The following RBFOX1 variants were observed in gnomAD, a reference collection of about 807,000 sequenced individuals.
The protein encoded by RBFOX1 is RNA binding fox-1 homolog 1.
A neutral mutation model predicts 57.7 loss-of-function variants in RBFOX1; 8 were observed. The observed-to-expected ratio is 0.14, with a 90% confidence interval of 0.08 to 0.25. The LOEUF is 0.25. Among genes scored for constraint, RBFOX1 ranks in the 10% least tolerant of loss-of-function variants. The pLI is 1.00. For missense variants in RBFOX1, 611 were observed against 548.5 expected (o/e 1.11, Z -1.14); for synonymous variants, 326 against 222.4 (o/e 1.47, Z -4.15).
intron 1 of RBFOX1, among the ~76,000 whole-genome samples, chr16:6,288,957 A>T (rs1339644177): frequency 6.6e-6 from 1 of 152,122 alleles, no homozygotes; most frequent in Non-Finnish European, 1.5e-5. Flanking sequence ...GAGGGTATAG[A>T]CCAACTTCTT....
intron 3 of RBFOX1, among the ~76,000 whole-genome samples, chr16:5,772,408 G>C (rs898233354): frequency 6.6e-6 from 1 of 152,144 alleles, no homozygotes; most frequent in Admixed American, 6.5e-5. Context: ...GGATTTCAGA[G>C]ATTTTAGGCC....
At chr16:6,450,964 G>C (rs1419479327) in intron 2 of RBFOX1, among the ~76,000 whole-genome samples, 5 of 145,182 alleles carry the variant, frequency 3.4e-5, no homozygotes, top group African/African-American at 1.0e-4. Context: ...TAGCATCAAT[G>C]AGAAAAATGG....
intron 2 of RBFOX1, among the ~76,000 whole-genome samples, chr16:6,497,565 A>ATTT (rs772851122): frequency 0.029 from 4,252 of 147,842 alleles, 194 homozygotes; most frequent in African/African-American, 0.09. Context: ...AGTTTTTAAA[A>ATTT]AAAAAAAAAA....
intron 3 of RBFOX1, among the ~76,000 whole-genome samples, chr16:6,958,266 A>G (rs2082274357): frequency 6.6e-6 from 1 of 152,206 alleles, no homozygotes; most frequent in African/African-American, 2.4e-5. Context: ...CAGGCTGGGC[A>G]ATGCTTTGCT....
intron 3 of RBFOX1, among the ~76,000 whole-genome samples, chr16:6,896,754 C>A (rs777387044): frequency 5.3e-5 from 8 of 152,178 alleles, no homozygotes; most frequent in Non-Finnish European, 8.8e-5. Context: ...TGGATTGCTC[C>A]CAAGAGCGTG....
At chr16:7,580,011 A>G in intron 6 of RBFOX1, 91 bp downstream of exon 6, 1 of 1,395,380 alleles carries the variant, frequency 7.2e-7, no homozygotes, top group African/African-American at 1.4e-5. Flanking sequence ...TACAATACTA[A>G]GGTTAGATGT....
At chr16:7,125,220 A>G (rs1197516401) in intron 4 of RBFOX1, among the ~76,000 whole-genome samples, 4 of 152,166 alleles carry the variant, frequency 2.6e-5, no homozygotes, top group African/African-American at 7.2e-5. Context: ...CAGATCCCAG[A>G]TCTGCCATTT....
intron 4 of RBFOX1, among the ~76,000 whole-genome samples, chr16:5,927,142 G>A (rs1396450821): frequency 6.6e-6 from 1 of 151,958 alleles, no homozygotes; most frequent in Non-Finnish European, 1.5e-5. Context: ...TATTTTAATT[G>A]GAAACTATGA....
At chr16:7,247,828 G>A (rs1276788841) in intron 4 of RBFOX1, among the ~76,000 whole-genome samples, 1 of 152,116 alleles carries the variant, frequency 6.6e-6, no homozygotes, top group African/African-American at 2.4e-5. Context: ...TATAAGTGGG[G>A]GCTAAATGAT....
intron 3 of RBFOX1, among the ~76,000 whole-genome samples, chr16:5,750,449 T>C (rs1184284299): frequency 3.3e-5 from 5 of 152,248 alleles, no homozygotes; most frequent in Non-Finnish European, 7.3e-5. Flanking sequence ...TGTTTGGCTA[T>C]GCCGTGCCCC....
At chr16:5,554,329 T>C (rs1410457962) in intron 2 of RBFOX1, among the ~76,000 whole-genome samples, 1 of 152,150 alleles carries the variant, frequency 6.6e-6, no homozygotes, top group Non-Finnish European at 1.5e-5. Flanking sequence ...AAAATAATTA[T>C]ATGCGAAAGT....
chr16:7,343,204 C>T (rs762230815), intron 4 of RBFOX1, among the ~76,000 whole-genome samples: 1 of 152,144 alleles, frequency 6.6e-6, no homozygotes. Flanking sequence ...TGCCCGGTGG[C>T]AAGGAGGATG....
At chr16:6,604,361 G>A (rs2097897347) in intron 2 of RBFOX1, among the ~76,000 whole-genome samples, 1 of 151,776 alleles carries the variant, frequency 6.6e-6, no homozygotes, top group South Asian at 2.1e-4. Flanking sequence ...TTTTTTTTAA[G>A]AGATAGGGCC....
At chr16:7,140,019 AG>A (rs2073238317) in intron 4 of RBFOX1, among the ~76,000 whole-genome samples, 2 of 152,240 alleles carry the variant, frequency 1.3e-5, no homozygotes, top group Non-Finnish European at 2.9e-5. Context: ...ACCTGGAAAA[AG>A]ATAGCTGTCT....
intron 2 of RBFOX1, among the ~76,000 whole-genome samples, chr16:5,566,779 A>T (rs1218038254): frequency 6.6e-6 from 1 of 152,096 alleles, no homozygotes; most frequent in Non-Finnish European, 1.5e-5. Context: ...AGTATTAGAG[A>T]TACATTCACA....
At chr16:7,465,850 A>C (rs1337952405) in intron 4 of RBFOX1, among the ~76,000 whole-genome samples, 1 of 152,202 alleles carries the variant, frequency 6.6e-6, no homozygotes, top group Non-Finnish European at 1.5e-5. Context: ...ACTGATGTCG[A>C]GTGTTTGATA....
At chr16:7,283,626 A>G (rs1222553615) in intron 4 of RBFOX1, among the ~76,000 whole-genome samples, 1 of 152,082 alleles carries the variant, frequency 6.6e-6, no homozygotes, top group African/African-American at 2.4e-5. Context: ...CCGTCCTCAG[A>G]AGCTGTATCC....
At chr16:6,816,726 C>T (rs1163127995) in intron 3 of RBFOX1, among the ~76,000 whole-genome samples, 4 of 93,652 alleles carry the variant, frequency 4.3e-5, no homozygotes, top group Non-Finnish European at 9.2e-5. Context: ...GGTGACAGAG[C>T]AAGACTGTCT....
At position 6,453,020 on chromosome 16, in the gene RBFOX1, TTTAA is replaced by T. The variant is rs1308188259; in HGVS notation, c.-64+135966_-64+135969del. On this transcript the variant is annotated intron_variant, in intron 2 of 15. Transcript: ENST00000550418. ...ACTGCAGGCAATTAAATTGTCTTTC[TTTAA>T]TTGTCATTTCTTCCTCTTATTCCAC... Among the ~76,000 whole-genome samples, 22 of 152,350 alleles carry T rather than the reference TTTAA, an allele frequency of 1.4e-4. No individual in the cohort carries two copies. In the South Asian group the frequency reaches 4.4e-3, roughly 30 times the overall value.
Sources: gnomAD v4.1 joint callset for allele counts (sites outside exome capture counted in the v4.1 genomes callset) on GRCh38, gnomAD v4.1.1 for gene constraint, MANE v1.5 for transcripts, NCBI Gene and HGNC (gene_info 2026-07-23, HGNC 2026-07-21) for gene names.